SNTG1: variants seen among roughly 807,000 people sequenced by gnomAD.
The protein encoded by SNTG1 is syntrophin gamma 1.
A neutral mutation model predicts 74.7 loss-of-function variants in SNTG1; 39 were observed. That is an observed-to-expected ratio of 0.52 (90% confidence interval 0.40 to 0.68). The LOEUF (loss-of-function observed/expected upper bound fraction) is 0.68. SNTG1 is among the 30% of genes least tolerant of loss of function. The probability of loss-of-function intolerance (pLI) is 0.00; values close to 1 mark genes in which losing one functional copy is unlikely to be tolerated. For missense variants in SNTG1, 685 were observed against 609.5 expected (o/e 1.12, Z -1.30); for synonymous variants, 254 against 217.1 (o/e 1.17, Z -1.49).
At chr8:50,481,226 C>G (rs1211782121) in intron 8 of SNTG1, among the ~76,000 whole-genome samples, 1 of 152,080 alleles carries the variant, frequency 6.6e-6, no homozygotes, top group Non-Finnish European at 1.5e-5. Flanking sequence ...ATTAAAAATA[C>G]AAAAATTAGC....
At chr8:49,920,750 G>A (rs574006343) in intron 1 of SNTG1, among the ~76,000 whole-genome samples, 67 of 152,120 alleles carry the variant, frequency 4.4e-4, no homozygotes, top group Non-Finnish European at 8.5e-4. Context: ...ACAAGCTTCA[G>A]GGAACCATGG....
chr8:50,072,237 A>T (rs552920711), intron 1 of SNTG1, among the ~76,000 whole-genome samples: 1 of 152,230 alleles, frequency 6.6e-6, no homozygotes, highest in Non-Finnish European at 1.5e-5. Context: ...TAGAGGAAAA[A>T]TAGTAACTGC....
At chr8:50,091,995 CA>C (rs1432942366) in intron 1 of SNTG1, among the ~76,000 whole-genome samples, 1 of 151,934 alleles carries the variant, frequency 6.6e-6, no homozygotes, top group African/African-American at 2.4e-5. Flanking sequence ...AAACAAAAAC[CA>C]AAAACTCAAA....
intron 1 of SNTG1, among the ~76,000 whole-genome samples, chr8:50,080,588 C>T (rs1048462911): frequency 6.6e-6 from 1 of 151,788 alleles, no homozygotes; most frequent in African/African-American, 2.4e-5. Context: ...ATTTTAATTT[C>T]TGTTTATTTT....
At chr8:50,462,598 G>A (rs1460506933) in intron 8 of SNTG1, among the ~76,000 whole-genome samples, 1 of 151,904 alleles carries the variant, frequency 6.6e-6, no homozygotes, top group Non-Finnish European at 1.5e-5. Flanking sequence ...CTCAAATCCT[G>A]CTACTGCTTT....
chr8:50,481,527 T>C (rs1396592617), intron 8 of SNTG1, among the ~76,000 whole-genome samples: 1 of 152,222 alleles, frequency 6.6e-6, no homozygotes, highest in African/African-American at 2.4e-5. Flanking sequence ...GTGAAGATTT[T>C]ATGTTTAGTG....
At chr8:50,766,753 G>A (rs1266986491) in intron 18 of SNTG1, among the ~76,000 whole-genome samples, 3 of 151,846 alleles carry the variant, frequency 2.0e-5, no homozygotes, top group African/African-American at 7.2e-5. Flanking sequence ...TTACTTATCT[G>A]CTGCCCATAT....
At chr8:50,320,139 C>A (rs1201744372) in intron 2 of SNTG1, among the ~76,000 whole-genome samples, 5 of 152,132 alleles carry the variant, frequency 3.3e-5, no homozygotes, top group Non-Finnish European at 5.9e-5. Flanking sequence ...ACATTGGGTT[C>A]TGGACTTTTC....
At chr8:50,673,712 T>C (rs912842883) in intron 15 of SNTG1, among the ~76,000 whole-genome samples, 3 of 152,282 alleles carry the variant, frequency 2.0e-5, no homozygotes, top group East Asian at 3.9e-4. Context: ...TCCAATACTA[T>C]GTTGAATAGG....
intron 15 of SNTG1, among the ~76,000 whole-genome samples, chr8:50,661,619 G>C: frequency 6.6e-6 from 1 of 152,164 alleles, no homozygotes; most frequent in South Asian, 2.1e-4. Flanking sequence ...GTACCATGGT[G>C]GTTTGCTGCA....
chr8:50,701,352 A>G (rs552564388), intron 15 of SNTG1, among the ~76,000 whole-genome samples: 2 of 152,298 alleles, frequency 1.3e-5, no homozygotes, highest in Admixed American at 6.5e-5. Context: ...AACCAGATCA[A>G]TCATCCCATG....
chr8:50,465,837 T>C (rs2093604805), intron 8 of SNTG1, among the ~76,000 whole-genome samples: 1 of 152,184 alleles, frequency 6.6e-6, no homozygotes, highest in Non-Finnish European at 1.5e-5. Flanking sequence ...TGTTTATCCA[T>C]TCACCTGTTG....
intron 1 of SNTG1, among the ~76,000 whole-genome samples, chr8:50,117,740 T>C (rs2080870676): frequency 6.6e-6 from 1 of 152,182 alleles, no homozygotes; most frequent in African/African-American, 2.4e-5. Flanking sequence ...CTGTTACCAC[T>C]AGACTGTAGA....
intron 13 of SNTG1, among the ~76,000 whole-genome samples, chr8:50,624,107 A>G (rs1284874365): frequency 6.6e-6 from 1 of 152,002 alleles, no homozygotes; most frequent in East Asian, 1.9e-4. Context: ...ATTCTCTAAC[A>G]GTGGAATTCT....
chr8:50,765,824 AT>A lies in SNTG1; in HGVS notation c.1395+13715del, dbSNP rs1452819548. Among the ~76,000 whole-genome samples, 5 of 152,064 alleles carry A rather than the reference AT, an allele frequency of 3.3e-5. No homozygotes were observed. In the South Asian group the frequency reaches 8.3e-4, roughly 25 times the overall value. ...GAGAGAACTTTTAACATGTAGAGACATTGTTATGTAGGCTTATTTTGTAAAA... is the reference window on the plus strand; with the variant it reads ...GAGAGAACTTTTAACATGTAGAGACATGTTATGTAGGCTTATTTTGTAAAA... On this transcript the variant is annotated intron_variant, in intron 18 of 18. Coordinates refer to ENST00000642720, the MANE Select transcript of SNTG1 (RefSeq NM_018967.5).
At chr8:50,595,463 T>G (rs1230773467) in intron 13 of SNTG1, among the ~76,000 whole-genome samples, 6 of 152,074 alleles carry the variant, frequency 3.9e-5, no homozygotes, top group African/African-American at 7.2e-5. Context: ...ATGTAAAAAT[T>G]TATGTATTAC....
chr8:50,249,065 C>G (rs1473692005), intron 2 of SNTG1, among the ~76,000 whole-genome samples: 4 of 152,140 alleles, frequency 2.6e-5, no homozygotes, highest in African/African-American at 9.6e-5. Context: ...GTATCTCCTA[C>G]TAGATCAGAT....
intron 12 of SNTG1, among the ~76,000 whole-genome samples, chr8:50,557,584 A>G (rs923896263): frequency 1.3e-5 from 2 of 152,070 alleles, no homozygotes; most frequent in Non-Finnish European, 2.9e-5. Flanking sequence ...GCCACATCAC[A>G]CTGACCTCCG....
rs553147187 is a variant in SNTG1 at position 50,488,516 on chromosome 8, C to T, written c.364-14262C>T. On this transcript the variant is annotated intron_variant, in intron 8 of 18. Transcript: ENST00000642720. ...TAAAATAACTCTCCACACAGCTCTG[C>T]TCTTGCTTGTCTGCTCTGCCTGCCA... Among the ~76,000 whole-genome samples the T allele has an allele frequency of 1.0e-3, 155 of 152,272 alleles. 6 individuals carry two copies. In the South Asian group the frequency reaches 0.031, roughly 30 times the overall value.
Sources: allele counts gnomAD v4.1 joint callset (sites outside exome capture counted in the v4.1 genomes callset), GRCh38; gene constraint gnomAD v4.1.1; transcripts MANE v1.5; gene names NCBI Gene and HGNC (gene_info 2026-07-23, HGNC 2026-07-21).